Variants in PIGG observed in about 807,000 individuals in gnomAD.
PIGG encodes the protein phosphatidylinositol glycan anchor biosynthesis class G (EMM blood group), also known as GPI ethanolamine phosphate transferase 2, catalytic subunit.
PIGG carries 70 observed loss-of-function variants against 83.2 expected under a neutral mutation model. That is an observed-to-expected ratio of 0.84 (90% CI 0.69 to 1.03). The LOEUF is 1.03. PIGG is among the 50% of genes least tolerant of loss of function. The probability of loss-of-function intolerance (pLI) is 0.00; values close to 1 mark genes in which losing one functional copy is unlikely to be tolerated. For synonymous variants in PIGG, 532 were observed against 519.5 expected (o/e 1.02, Z -0.33); for missense variants, 1,257 against 1,233.6 (o/e 1.02, Z -0.28).
chr4:516,172 G>C lies in PIGG; in HGVS notation c.1101G>C (p.Pro367=), dbSNP rs190524353. The change falls in exon 6 of 13, where the codon CCG becomes CCC. Residue 367 remains proline (P), a synonymous_variant. Coordinates refer to ENST00000453061, the MANE Select transcript of PIGG (RefSeq NM_001127178.3). ...QLSKLLQENV[P]SYEKDPGFEQ... Reference sequence around the variant, plus strand: ...GTAAACTGTTGCAAGAGAATGTGCCGTCATATGAAAAAGGTCAGTCAACTC... The same window carrying C: ...GTAAACTGTTGCAAGAGAATGTGCCCTCATATGAAAAAGGTCAGTCAACTC... 1 of 1,612,358 alleles carries C rather than the reference G, an allele frequency of 6.2e-7. No homozygotes were observed. The highest frequency in any genetic ancestry group is 1.1e-5 in the South Asian group (1 of 91,048).
At chr4:536,263 C>G (rs1448091312) in intron 12 of PIGG, 1 of 152,306 alleles carries the variant, frequency 6.6e-6, no homozygotes, top group Non-Finnish European at 1.5e-5. Flanking sequence ...CCACAGCGGA[C>G]ATGGAGCCTT....
intron 5 of PIGG, among the ~76,000 whole-genome samples, chr4:512,408 G>C (rs1553884107): frequency 6.6e-6 from 1 of 151,030 alleles, no homozygotes; most frequent in East Asian, 2.0e-4. Context: ...GTAGAGACAG[G>C]GTTTCACATT....
At chr4:517,219 G>A (rs1724211916) in intron 6 of PIGG, among the ~76,000 whole-genome samples, 1 of 152,166 alleles carries the variant, frequency 6.6e-6, no homozygotes, top group Non-Finnish European at 1.5e-5. Flanking sequence ...ATTCTGCTTT[G>A]TGCTGTAGGA....
chr4:504,258 G>A lies in PIGG; in HGVS notation c.361-1460G>A, dbSNP rs531918768. 7.2e-5 allele frequency among the ~76,000 whole-genome samples: 11 copies of A among 152,242 alleles called. No homozygotes were observed. The East Asian group carries it at 1.2e-3, about 16-fold the overall frequency. ...CTTCCTGAGTGCTGGCCCTGGCTCC[G>A]CATAGCTTAGTGGTCAGCCACTGAT... On this transcript the variant is annotated intron_variant, in intron 2 of 12. Transcript: ENST00000453061.
chr4:535,800 C>CA (rs1240662583), intron 12 of PIGG, among the ~76,000 whole-genome samples: 2 of 152,154 alleles, frequency 1.3e-5, no homozygotes. Flanking sequence ...CCTCCTTCAC[C>CA]AGGTCATCCT....
chr4:516,160 A>G lies in PIGG; in HGVS notation c.1089A>G (p.Gln363=), dbSNP rs1446938564. Residue 363 remains glutamine, a synonymous_variant, in exon 6 of 13, where the codon CAA becomes CAG. Coordinates refer to ENST00000453061, the MANE Select transcript of PIGG (RefSeq NM_001127178.3). ...CAGTGCAGCTTAGTAAACTGTTGCAAGAGAATGTGCCGTCATATGAAAAAG... is the reference window on the plus strand; with the variant it reads ...CAGTGCAGCTTAGTAAACTGTTGCAGGAGAATGTGCCGTCATATGAAAAAG... ...LNTVQLSKLL[Q]ENVPSYEKDP... 1.2e-6 allele frequency: 2 copies of G among 1,613,710 alleles called. No individual in the cohort carries two copies. Among genetic ancestry groups the G allele is most frequent in the Admixed American group, 1.7e-5 (1 of 60,024 alleles).
rs1458865895 is a variant in PIGG, at chr4:516,150, A to T, written c.1079A>T (p.Lys360Ile). 1.2e-6 allele frequency: 2 copies of T among 1,613,808 alleles called. No individual in the cohort carries two copies. Among genetic ancestry groups the T allele is most frequent in the African/African-American group, 2.7e-5 (2 of 74,928 alleles). Residue 360 changes from lysine to isoleucine, a missense_variant, in exon 6 of 13, where the codon AAA becomes ATA. Coordinates refer to ENST00000453061, the MANE Select transcript of PIGG (RefSeq NM_001127178.3). ...CATTTGAATACAGTGCAGCTTAGTA[A>T]ACTGTTGCAAGAGAATGTGCCGTCA... Reference protein sequence around the residue: ...FLHLNTVQLSKLLQENVPSYE... With the variant: ...FLHLNTVQLSILLQENVPSYE...
chr4:507,534 C>CA lies in PIGG; in HGVS notation c.701dup (p.Lys235GlufsTer34). Reference sequence around the variant, plus strand: ...AGGGCCCAACAGCCCCCTGATTGGGCAGAAGCTGAGCGAGATGGACAGCGT... The same window carrying CA: ...AGGGCCCAACAGCCCCCTGATTGGGCAAGAAGCTGAGCGAGATGGACAGCGT... On this transcript the variant is annotated frameshift_variant, in exon 4 of 13. Transcript: ENST00000453061. LOFTEE classifies it high-confidence loss of function. The CA allele has an allele frequency of 6.2e-7, 1 of 1,614,238 alleles. No homozygotes were observed.
chr4:516,276 G>T, intron 6 of PIGG, 91 bp downstream of exon 6: 1 of 812,708 alleles, frequency 1.2e-6, no homozygotes, highest in Non-Finnish European at 2.1e-6. Flanking sequence ...TATGCAGTTT[G>T]TCACAGGAGT....
chr4:534,933 T>TC (rs1324253270), intron 12 of PIGG, among the ~76,000 whole-genome samples: 1 of 149,784 alleles, frequency 6.7e-6, no homozygotes, highest in African/African-American at 2.5e-5. Flanking sequence ...GTGCAGAAGT[T>TC]CTCCCGGGGA....
At chr4:534,736 G>A (rs766285956) in intron 12 of PIGG, among the ~76,000 whole-genome samples, 5 of 150,968 alleles carry the variant, frequency 3.3e-5, no homozygotes, top group Admixed American at 6.6e-5. Context: ...AGGGTGCAGT[G>A]CAGCCCCTCA....
At position 508,858 on chromosome 4, in the gene PIGG, G is replaced by C; in HGVS notation, c.789G>C (p.Leu263=). The change falls in exon 5 of 13, where the codon CTG becomes CTC. Residue 263 remains leucine (L), a synonymous_variant. Transcript: ENST00000453061. Reference sequence around the variant, plus strand: ...GAGAGACGCCTTTACCCAATTTGCTGGTTCTTTGTGGTGACCATGGCATGT... The same window carrying C: ...GAGAGACGCCTTTACCCAATTTGCTCGTTCTTTGTGGTGACCATGGCATGT... The part of the protein sequence containing the change: ...KERETPLPNL[L]VLCGDHGMSE... 1 of 1,614,058 alleles carries C rather than the reference G, an allele frequency of 6.2e-7. No individual in the cohort carries two copies. Among genetic ancestry groups the C allele is most frequent in the Non-Finnish European group, 8.5e-7 (1 of 1,179,966 alleles).
rs149295567 is a variant in PIGG, at chr4:534,903, G to A, written c.2735+922G>A. Among the ~76,000 whole-genome samples, 15 of 150,306 alleles carry A rather than the reference G, an allele frequency of 1.0e-4. 1 individual carries two copies. Among genetic ancestry groups the A allele is most frequent in the African/African-American group, 2.9e-4 (12 of 40,690 alleles). On this transcript the variant is annotated intron_variant, in intron 12 of 12. Coordinates refer to ENST00000453061, the MANE Select transcript of PIGG (RefSeq NM_001127178.3). ...CAAGGGCGCAGCCCCCCATCCACAT[G>A]CCCGTCTCCTGGCGGTTTTGTGCAG...
intron 9 of PIGG, among the ~76,000 whole-genome samples, chr4:526,266 G>A (rs910521475): frequency 6.6e-5 from 10 of 152,162 alleles, no homozygotes; most frequent in Admixed American, 2.0e-4. Flanking sequence ...ACCCCTTCCC[G>A]GGGTGAGGCC....
intron 3 of PIGG, among the ~76,000 whole-genome samples, chr4:506,582 T>A (rs1363659118): frequency 3.3e-5 from 5 of 152,192 alleles, no homozygotes; most frequent in Non-Finnish European, 5.9e-5. Context: ...CAGTTACTTT[T>A]CAGTAATGAC....
chr4:500,641 G>C, intron 2 of PIGG, 40 bp downstream of exon 2: 1 of 1,330,970 alleles, frequency 7.5e-7, no homozygotes, highest in South Asian at 1.2e-5. Context: ...TGGTTTGGCT[G>C]TTTTGAAGAT....
rs1728816992 is a variant in PIGG, at chr4:530,624, T to C, written c.2450T>C (p.Leu817Ser). 3.1e-6 allele frequency: 5 copies of C among 1,613,688 alleles called. No homozygotes were observed. In the Admixed American group the frequency reaches 8.3e-5, roughly 27 times the overall value. Residue 817 changes from leucine (L) to serine (S), a missense_variant, in exon 11 of 13, where the codon TTA becomes TCA. Coordinates refer to ENST00000453061, the MANE Select transcript of PIGG (RefSeq NM_001127178.3). ...TTTAGACCACATAATCTTCCGGTCT[T>C]AGCATTTAGCCTCTTGATTCAGACT... The part of the protein sequence containing the change: ...LLFRPHNLPV[L>S]AFSLLIQTLM...
chr4:516,111 A>T lies in PIGG; in HGVS notation c.1040A>T (p.Gln347Leu), dbSNP rs1372573213. 8.1e-6 allele frequency: 13 copies of T among 1,614,046 alleles called. 1 individual carries two copies. The highest frequency in any genetic ancestry group is 1.3e-5 in the African/African-American group (1 of 75,042). ...GTGGAAGGAAGACCAATGAGAGAGC[A>T]GTTGAGATTTTTACATTTGAATACA... The part of the protein sequence containing the change: ...PVVEGRPMRE[Q>L]LRFLHLNTVQ... Residue 347 changes from glutamine (Q) to leucine (L), a missense_variant, in exon 6 of 13, where the codon CAG becomes CTG. Transcript: ENST00000453061.
chr4:527,230 A>G lies in PIGG; in HGVS notation c.2261A>G (p.Lys754Arg), dbSNP rs1460635221. Reference sequence around the variant, plus strand: ...CGGCCGGACAGCAAGGACATTTCCAAGTAAGTGCGTGGCGGACACGGGGTG... The same window carrying G: ...CGGCCGGACAGCAAGGACATTTCCAGGTAAGTGCGTGGCGGACACGGGGTG... ...PWRPDSKDIS[K>R]GIIEARFVYV... Residue 754 changes from lysine to arginine, a missense_variant and splice_region_variant, in exon 10 of 13, where the codon AAG (lysine) becomes AGG (arginine). Lys to Arg is a conservative substitution (Grantham distance 26, BLOSUM62 2). Coordinates refer to ENST00000453061, the MANE Select transcript of PIGG (RefSeq NM_001127178.3). 1 of 1,584,906 alleles carries G rather than the reference A, an allele frequency of 6.3e-7. No homozygotes were observed. Among genetic ancestry groups the G allele is most frequent in the Non-Finnish European group, 8.6e-7 (1 of 1,165,758 alleles).
Sources: gnomAD v4.1 joint callset for allele counts (sites outside exome capture counted in the v4.1 genomes callset) on GRCh38, gnomAD v4.1.1 for gene constraint, MANE v1.5 for transcripts, NCBI Gene and HGNC (gene_info 2026-07-23, HGNC 2026-07-21) for gene names.